The following SHTN1 variants were observed in gnomAD, a reference collection of about 807,000 sequenced individuals.
SHTN1 encodes shootin-1.
A neutral mutation model predicts 83.1 loss-of-function variants in SHTN1; 42 were observed. The observed-to-expected ratio is 0.51, with a 90% confidence interval of 0.39 to 0.65. The LOEUF (loss-of-function observed/expected upper bound fraction) is 0.65, where lower values mean the gene tolerates loss of function less well. Among genes scored for constraint, SHTN1 ranks in the 30% least tolerant of loss-of-function variants. The pLI is 0.00. For missense variants in SHTN1, 622 were observed against 737.8 expected, an observed-to-expected ratio of 0.84 and a Z score of 1.82; for synonymous variants, 224 against 247.7, an observed-to-expected ratio of 0.90 and a Z score of 0.90.
chr10:116,990,287 C>CTTTTTTTT (rs11399364), intron 1 of SHTN1, among the ~76,000 whole-genome samples: 11 of 119,892 alleles, frequency 9.2e-5, no homozygotes, highest in African/African-American at 2.6e-4. Flanking sequence ...TTTTTTCTTT[C>CTTTTTTTT]TTTTTTTTTT....
At chr10:116,989,496 T>TA (rs1446845126) in intron 1 of SHTN1, among the ~76,000 whole-genome samples, 3 of 152,186 alleles carry the variant, frequency 2.0e-5, no homozygotes, top group Non-Finnish European at 4.4e-5. Flanking sequence ...CCTGTTTGCC[T>TA]AAAAGCAGGA....
At chr10:117,028,923 G>T (rs1852367487) in intron 2 of SHTN1, among the ~76,000 whole-genome samples, 1 of 152,204 alleles carries the variant, frequency 6.6e-6, no homozygotes, top group Non-Finnish European at 1.5e-5. Context: ...GCCTGATGGA[G>T]CAGTGAGAAG....
chr10:116,969,726 G>A (rs1850536493), intron 2 of SHTN1, among the ~76,000 whole-genome samples: 1 of 152,096 alleles, frequency 6.6e-6, no homozygotes, highest in South Asian at 2.1e-4. Flanking sequence ...ATAGAAACAA[G>A]TATCTCCTGT....
intron 8 of SHTN1, among the ~76,000 whole-genome samples, chr10:116,942,787 G>A (rs1849431625): frequency 6.6e-6 from 1 of 152,176 alleles, no homozygotes; most frequent in Non-Finnish European, 1.5e-5. Context: ...AGCTCCAAGA[G>A]GGTAGGGCTC....
intron 1 of SHTN1, among the ~76,000 whole-genome samples, chr10:117,052,915 G>A (rs946852153): frequency 6.7e-6 from 1 of 150,100 alleles, no homozygotes; most frequent in Non-Finnish European, 1.5e-5. Flanking sequence ...AGCTACTCGG[G>A]AGGCTGAGGC....
At chr10:116,911,654 A>T in intron 14 of SHTN1, 136 bp downstream of exon 14, 1 of 1,568,284 alleles carries the variant, frequency 6.4e-7, no homozygotes, top group Non-Finnish European at 8.7e-7. Flanking sequence ...AAGCACGATC[A>T]AATAAACTGG....
upstream of SHTN1, chr10:117,005,253 G>C: frequency 6.9e-7 from 1 of 1,457,466 alleles, no homozygotes; most frequent in Admixed American, 2.3e-5. Context: ...TCATCCCCAC[G>C]CACCTACTCG....
intron 1 of SHTN1, among the ~76,000 whole-genome samples, chr10:117,106,543 G>A (rs1433936806): frequency 6.6e-6 from 1 of 152,144 alleles, no homozygotes; most frequent in African/African-American, 2.4e-5. Flanking sequence ...GCCATCCCTA[G>A]GACTCCAACT....
chr10:116,954,332 A>AT, intron 4 of SHTN1, 122 bp from the exon 5 acceptor site: 1 of 594,726 alleles, frequency 1.7e-6, no homozygotes. Flanking sequence ...ACAGCAGGAC[A>AT]TAACAATTAG....
At chr10:117,050,918 T>A (rs1852730402) in intron 1 of SHTN1, among the ~76,000 whole-genome samples, 1 of 151,930 alleles carries the variant, frequency 6.6e-6, no homozygotes, top group South Asian at 2.1e-4. Flanking sequence ...ATTAGCTGGG[T>A]GTGGTGGCAC....
At chr10:117,041,620 T>A (rs1472811258) in intron 2 of SHTN1, among the ~76,000 whole-genome samples, 1 of 152,216 alleles carries the variant, frequency 6.6e-6, no homozygotes, top group Non-Finnish European at 1.5e-5. Flanking sequence ...CCCTTTGTCT[T>A]GAAGAGTTAC....
chr10:117,079,305 C>T (rs987610650), intron 1 of SHTN1, among the ~76,000 whole-genome samples: 4 of 135,382 alleles, frequency 3.0e-5, no homozygotes, highest in African/African-American at 8.5e-5. Context: ...TTTGTTCTTG[C>T]GATAGTTTAC....
At chr10:116,940,745 TAGA>T (rs372698674) in intron 8 of SHTN1, 133 bp from the exon 9 acceptor site, 2 of 611,896 alleles carry the variant, frequency 3.3e-6, no homozygotes, top group African/African-American at 3.7e-5. Context: ...CTATAAGTTT[TAGA>T]AGTAGTGATT....
rs190543719 is a variant in SHTN1 at position 116,926,988 on chromosome 10, C to G, written c.1112+804G>C. Among the ~76,000 whole-genome samples, 70 of 152,214 alleles carry G rather than the reference C, an allele frequency of 4.6e-4. No homozygotes were observed. In the East Asian group the frequency reaches 0.013, roughly 28 times the overall value. ...GAATTCCTGTCTGCATATGTGACTT[C>G]CTGCCACAAGAATTTAAACATAATC... On this transcript the variant is annotated intron_variant, in intron 11 of 16. Transcript: ENST00000355371.
At chr10:117,124,910 A>G (rs563143296) in intron 1 of SHTN1, among the ~76,000 whole-genome samples, 50 of 152,198 alleles carry the variant, frequency 3.3e-4, no homozygotes, top group Non-Finnish European at 6.3e-4. Context: ...TACTATTGCT[A>G]TATTGTGGGG....
chr10:116,990,287 C>CTT (rs11399364), intron 1 of SHTN1, among the ~76,000 whole-genome samples: 10,760 of 119,848 alleles, frequency 0.09, 1,035 homozygotes, highest in African/African-American at 0.2. Context: ...TTTTTTCTTT[C>CTT]TTTTTTTTTT....
chr10:117,022,763 A>G (rs1273815559), intron 2 of SHTN1, among the ~76,000 whole-genome samples: 1 of 152,174 alleles, frequency 6.6e-6, no homozygotes, highest in Non-Finnish European at 1.5e-5. Flanking sequence ...TTTATTAAAA[A>G]TACAAAAATT....
intron 2 of SHTN1, among the ~76,000 whole-genome samples, chr10:117,035,508 A>G (rs929237721): frequency 2.0e-5 from 3 of 152,208 alleles, no homozygotes; most frequent in African/African-American, 4.8e-5. Context: ...CTTTTGCACA[A>G]CAAAGGAAAC....
chr10:116,936,755 A>T (rs4751614), intron 9 of SHTN1, among the ~76,000 whole-genome samples: 35,370 of 152,002 alleles, frequency 0.23, 4,231 homozygotes, highest in East Asian at 0.3. Flanking sequence ...TAATATTGAC[A>T]GTGGGGTGTT....
Sources: gnomAD v4.1 joint callset for allele counts (sites outside exome capture counted in the v4.1 genomes callset) on GRCh38, gnomAD v4.1.1 for gene constraint, MANE v1.5 for transcripts, NCBI Gene and HGNC (gene_info 2026-07-23, HGNC 2026-07-21) for gene names.